The following CARD14 variants were observed in gnomAD, a reference collection of about 807,000 sequenced individuals.
CARD14 encodes caspase recruitment domain-containing protein 14.
In CARD14, 107 loss-of-function variants were observed where a neutral mutation model predicts 111.5. That is an observed-to-expected ratio of 0.96 (90% CI 0.82 to 1.13). The LOEUF is 1.13. Ranked by LOEUF, CARD14 falls within the 50% of genes most tolerant of loss-of-function variation. CARD14 has a pLI of 0.00. For missense variants in CARD14, 1,322 were observed against 1,362.3 expected (o/e 0.97, Z 0.47); for synonymous variants, 617 against 579.6 (o/e 1.06, Z -0.93).
chr17:80,190,987 C>T lies in CARD14; in HGVS notation c.1089+88C>T, dbSNP rs55952112. The T allele has an allele frequency of 0.045, 68,975 of 1,516,350 alleles. 1,750 individuals carry two copies. The highest frequency in any genetic ancestry group is 0.068 in the African/African-American group (4,980 of 72,822). 93.9% of individuals were successfully genotyped at this position (1,516,350 alleles called of 1,614,324 possible). ...CCGGGGACAGTCTCGTGGCTCCCTG[C>T]CCTTGATGGCAGCTGGTCCCAGATT... On this transcript the variant is annotated intron_variant, in intron 10 of 23. Transcript: ENST00000648509.
chr17:80,183,814 A>G (rs2040250031), intron 6 of CARD14, 99 bp from the exon 7 acceptor site: 2 of 956,124 alleles, frequency 2.1e-6, no homozygotes, highest in East Asian at 2.8e-5. Context: ...TCACCTGCCC[A>G]CATGCTCACC....
intron 7 of CARD14, chr17:80,187,653 C>A: frequency 1.6e-6 from 1 of 607,588 alleles, no homozygotes; most frequent in Non-Finnish European, 2.1e-6. Context: ...TTGGCCACAG[C>A]CCAGGGGTGA....
Position 80,198,556 on chromosome 17 carries a change from C to G in CARD14, c.1816C>G (p.Gln606Glu). 3.7e-6 allele frequency: 6 copies of G among 1,613,088 alleles called. No individual in the cohort carries two copies. Among genetic ancestry groups the G allele is most frequent in the Non-Finnish European group, 5.1e-6 (6 of 1,179,846 alleles). The change falls in exon 16 of 24, where the codon CAG becomes GAG. Residue 606 changes from glutamine (Q) to glutamate (E), a missense_variant. By Grantham distance (29) the Gln-to-Glu change is conservative. Coordinates refer to ENST00000648509, the MANE Select transcript of CARD14 (RefSeq NM_001366385.1). The surrounding 1 kb of genome is among the most constrained non-coding windows in gnomAD (Gnocchi z 7.5). Reference protein sequence around the residue: ...HRVTPGSAADQMALRPGTQIV... With the variant: ...HRVTPGSAADEMALRPGTQIV... ...GGTCACCCCGGGCTCGGCGGCGGAC[C>G]AGATGGCCTTGCGCCCGGGCACCCA... is the stretch of plus-strand genomic sequence containing the variant.
chr17:80,178,130 G>T (rs1024007529), intron 2 of CARD14, among the ~76,000 whole-genome samples: 1 of 152,122 alleles, frequency 6.6e-6, no homozygotes, highest in Non-Finnish European at 1.5e-5. Flanking sequence ...CGGCCTCTGC[G>T]CCCGTCACTG....
intron 16 of CARD14, among the ~76,000 whole-genome samples, chr17:80,199,230 C>T (rs929462169): frequency 2.6e-5 from 4 of 152,018 alleles, no homozygotes; most frequent in Non-Finnish European, 4.4e-5. Flanking sequence ...TGGTGGCTCA[C>T]GCCTGTAATC....
At chr17:80,186,425 G>A (rs2040346676) in intron 7 of CARD14, among the ~76,000 whole-genome samples, 1 of 152,216 alleles carries the variant, frequency 6.6e-6, no homozygotes, top group East Asian at 1.9e-4. Context: ...CGGGTCCCTT[G>A]TTTTTGGAGA....
At chr17:80,207,995 G>T (rs1395974944) in intron 23 of CARD14, 143 bp from the exon 24 acceptor site, 1 of 564,302 alleles carries the variant, frequency 1.8e-6, no homozygotes, top group East Asian at 2.9e-5. Flanking sequence ...TGGGGCCTGG[G>T]GCCTATTTTC....
At chr17:80,176,693 C>T (rs755088235) in intron 2 of CARD14, among the ~76,000 whole-genome samples, 3 of 152,250 alleles carry the variant, frequency 2.0e-5, no homozygotes, top group Non-Finnish European at 2.9e-5. Flanking sequence ...CTTTATTGCT[C>T]GCTATTGCTG....
chr17:80,198,826 G>A lies in CARD14; in HGVS notation c.1851+235G>A. ...TGCTGCCATGCGGCGCTTCTGACCA[G>A]GGGTCTTTGCATGAGGCCCCTTGAC... On this transcript the variant is annotated intron_variant, in intron 16 of 23. Coordinates refer to ENST00000648509, the MANE Select transcript of CARD14 (RefSeq NM_001366385.1). This position sits in a 1 kb window ranked among gnomAD's most constrained non-coding sequence, Gnocchi z 7.5. 6.8e-7 allele frequency: 1 copy of A among 1,472,130 alleles called. No individual in the cohort carries two copies. The highest frequency in any genetic ancestry group is 9.0e-7 in the Non-Finnish European group (1 of 1,117,140). 91.2% of individuals were successfully genotyped at this position (1,472,130 alleles called of 1,614,324 possible).
Position 80,189,620 on chromosome 17 carries a change from C to A in CARD14, c.844-133C>A. 8.7e-7 allele frequency: 1 copy of A among 1,152,130 alleles called. No homozygotes were observed. The highest frequency in any genetic ancestry group is 1.2e-6 in the Non-Finnish European group (1 of 861,778). The allele number at this position is 1,152,130 out of a possible 1,614,324, so 71.4% of individuals were successfully genotyped here. On this transcript the variant is annotated intron_variant, in intron 8 of 23. Coordinates refer to ENST00000648509, the MANE Select transcript of CARD14 (RefSeq NM_001366385.1). This position sits in a 1 kb window ranked among gnomAD's most constrained non-coding sequence, Gnocchi z 4.7. Reference sequence around the variant, plus strand: ...GCTTTTCCGTGGCTTCTCTCCTGCCCGGTGTAGAGTGGCAAGACTGCATCC... The same window carrying A: ...GCTTTTCCGTGGCTTCTCTCCTGCCAGGTGTAGAGTGGCAAGACTGCATCC...
In CARD14 at chr17:80,208,257, G is replaced by A. The variant is rs2041460345; in HGVS notation, c.2927G>A (p.Ser976Asn). 2.5e-6 allele frequency: 4 copies of A among 1,588,322 alleles called. No homozygotes were observed. In the Admixed American group the frequency reaches 7.2e-5, roughly 29 times the overall value. ...AGCAGCCTGGCTCCTGACGGCTGGA[G>A]CGACCTGGACGGCCTGCTCAGCTGT... ...LYSSLAPDGW[S>N]DLDGLLSCVR... The change falls in exon 24 of 24, where the codon AGC becomes AAC. Residue 976 changes from serine (S) to asparagine (N), a missense_variant. Coordinates refer to ENST00000648509, the MANE Select transcript of CARD14 (RefSeq NM_001366385.1).
At chr17:80,191,899 C>T (rs1423871298) in intron 11 of CARD14, among the ~76,000 whole-genome samples, 1 of 152,200 alleles carries the variant, frequency 6.6e-6, no homozygotes, top group African/African-American at 2.4e-5. Context: ...ACGGAGGGAG[C>T]GTGTTCCCAG....
At chr17:80,196,315 C>T (rs1363657819) in intron 14 of CARD14, 1 of 152,264 alleles carries the variant, frequency 6.6e-6, no homozygotes. Context: ...CTGTGGGTCG[C>T]AGAATCAGAA....
intron 23 of CARD14, among the ~76,000 whole-genome samples, 179 bp from the exon 24 acceptor site, chr17:80,207,959 G>A (rs1263747229): frequency 6.6e-6 from 1 of 152,176 alleles, no homozygotes; most frequent in Non-Finnish European, 1.5e-5. Flanking sequence ...GCAAGGCTGT[G>A]TTCTAGACAA....
chr17:80,197,575 A>G (rs567689057), intron 14 of CARD14: 1 of 149,482 alleles, frequency 6.7e-6, no homozygotes, highest in African/African-American at 2.5e-5. Flanking sequence ...AAGACAGGCC[A>G]GTGCAGTGCA....
At chr17:80,177,396 A>T (rs1360377384) in intron 2 of CARD14, among the ~76,000 whole-genome samples, 1 of 151,352 alleles carries the variant, frequency 6.6e-6, no homozygotes, top group Non-Finnish European at 1.5e-5. Context: ...CTGGCTAATT[A>T]AAAAAAAAAT....
At chr17:80,171,116 C>T (rs946582562) in intron 1 of CARD14, among the ~76,000 whole-genome samples, 6 of 150,286 alleles carry the variant, frequency 4.0e-5, no homozygotes, top group East Asian at 4.0e-4. Context: ...GCTGGGATTA[C>T]GGGCGTGAGC....
At position 80,195,270 on chromosome 17, in the gene CARD14, C is replaced by A; in HGVS notation, c.1436C>A (p.Pro479His). ...DSFRSSSPAP[P>H]SQQSLYKRVA... ...TTCCGCTCCAGCAGCCCCGCGCCCCCCAGCCAGCAGTCCCTGTACAAGCGG... is the reference window on the plus strand; with the variant it reads ...TTCCGCTCCAGCAGCCCCGCGCCCCACAGCCAGCAGTCCCTGTACAAGCGG... The change falls in exon 13 of 24, where the codon CCC (proline) becomes CAC (histidine). Residue 479 changes from proline (P) to histidine (H), a missense_variant. Pro to His is a moderately conservative substitution (Grantham distance 77). Coordinates refer to ENST00000648509, the MANE Select transcript of CARD14 (RefSeq NM_001366385.1). This position sits in a 1 kb window ranked among gnomAD's most constrained non-coding sequence, Gnocchi z 4.7. 1.2e-6 allele frequency: 2 copies of A among 1,612,980 alleles called. No individual in the cohort carries two copies.
Position 80,202,279 on chromosome 17 carries a change from G to T in CARD14, c.2078G>T (p.Gly693Val), listed in dbSNP as rs764978860. Residue 693 changes from glycine to valine, a missense_variant, in exon 18 of 24, where the codon GGG (glycine) becomes GTG (valine). Coordinates refer to ENST00000648509, the MANE Select transcript of CARD14 (RefSeq NM_001366385.1). ...VNLAMEGRAK[G>V]ELQVHCNEVL... The stretch of plus-strand genomic sequence containing the variant: ...CTGGCCATGGAGGGCAGGGCCAAAG[G>T]GGAGCTGCAGGTGCATTGCAACGAG... 1.2e-6 allele frequency: 2 copies of T among 1,613,926 alleles called. No homozygotes were observed. Among genetic ancestry groups the T allele is most frequent in the South Asian group, 2.2e-5 (2 of 91,084 alleles).
Sources: gnomAD v4.1 joint callset for allele counts (sites outside exome capture counted in the v4.1 genomes callset) on GRCh38, gnomAD v4.1.1 for gene constraint, Gnocchi (gnomAD v3.1) non-coding constraint, MANE v1.5 for transcripts, NCBI Gene and HGNC (gene_info 2026-07-23, HGNC 2026-07-21) for gene names.